Variants in PDE1C observed in about 807,000 individuals in gnomAD.
PDE1C encodes the protein phosphodiesterase 1C.
PDE1C carries 62 observed loss-of-function variants against 93.1 expected under a neutral mutation model. That is an observed-to-expected ratio of 0.67 (90% CI 0.54 to 0.82). The LOEUF (loss-of-function observed/expected upper bound fraction) is 0.82, where lower values mean the gene tolerates loss of function less well. Ranked by LOEUF, PDE1C falls within the 40% of genes least tolerant of loss-of-function variation. PDE1C has a pLI of 0.00. For missense variants in PDE1C, 742 were observed against 884.6 expected (o/e 0.84, Z 2.04); for synonymous variants, 325 against 310.1 (o/e 1.05, Z -0.50).
chr7:31,791,204 A>T (rs533353746), intron 16 of PDE1C, among the ~76,000 whole-genome samples: 1 of 152,256 alleles, frequency 6.6e-6, no homozygotes, highest in Non-Finnish European at 1.5e-5. Context: ...ATCTATTGTA[A>T]TTACAGTCAA....
At chr7:32,186,293 G>A (rs910595797) in intron 2 of PDE1C, among the ~76,000 whole-genome samples, 1 of 151,508 alleles carries the variant, frequency 6.6e-6, no homozygotes, top group Admixed American at 6.6e-5. Flanking sequence ...TAGTAGAGAC[G>A]GGGTTTCACC....
chr7:31,935,300 G>A (rs1483701291), intron 2 of PDE1C, among the ~76,000 whole-genome samples: 1 of 152,136 alleles, frequency 6.6e-6, no homozygotes, highest in African/African-American at 2.4e-5. Context: ...TGACAGCCCT[G>A]AGCCTGGGGC....
the PDE1C span, among the ~76,000 whole-genome samples, chr7:31,683,976 T>C: frequency 1.1e-4 from 16 of 152,216 alleles, no homozygotes; most frequent in Non-Finnish European, 2.1e-4. Context: ...AATCATGCCA[T>C]GGACACAACG....
intron 1 of PDE1C, among the ~76,000 whole-genome samples, chr7:32,388,942 T>C (rs925279395): frequency 1.3e-5 from 2 of 152,112 alleles, no homozygotes; most frequent in African/African-American, 4.8e-5. Flanking sequence ...AAAAATTTCA[T>C]TGAAAGTGAT....
intron 2 of PDE1C, among the ~76,000 whole-genome samples, chr7:31,965,332 G>A (rs1327453308): frequency 2.0e-5 from 3 of 152,338 alleles, no homozygotes; most frequent in Admixed American, 6.5e-5. Context: ...AGTAGCCGAT[G>A]CGATCAACTG....
chr7:32,075,339 ATT>A (rs1796290178), upstream of PDE1C, among the ~76,000 whole-genome samples: 1 of 152,240 alleles, frequency 6.6e-6, no homozygotes, highest in East Asian at 1.9e-4. Flanking sequence ...TGAGGGGGAA[ATT>A]CTGGAGACAC....
At chr7:32,420,222 CATATATATGTATATATATGTGT>C (rs1785385798) in intron 1 of PDE1C, among the ~76,000 whole-genome samples, 1 of 16,360 alleles carries the variant, frequency 6.1e-5, no homozygotes, top group South Asian at 1.3e-3. Flanking sequence ...TGTATATATA[CATATATATGTATATATATGTGT>C]ATATATATAC....
chr7:31,995,590 TAG>T, intron 2 of PDE1C, among the ~76,000 whole-genome samples: 1 of 152,208 alleles, frequency 6.6e-6, no homozygotes, highest in Non-Finnish European at 1.5e-5. Flanking sequence ...TTGTTTGTTT[TAG>T]TCTCATTGCC....
intron 16 of PDE1C, among the ~76,000 whole-genome samples, chr7:31,779,623 C>T (rs988444843): frequency 2.0e-5 from 3 of 152,174 alleles, no homozygotes; most frequent in Admixed American, 6.5e-5. Flanking sequence ...GCCATCCCAC[C>T]TCTCATAACC....
chr7:32,209,212 C>T (rs1805832229), intron 2 of PDE1C, among the ~76,000 whole-genome samples: 1 of 152,076 alleles, frequency 6.6e-6, no homozygotes. Flanking sequence ...CTAAAAAGCC[C>T]CCAGGTGATG....
chr7:32,410,545 G>A (rs904535256), intron 1 of PDE1C, among the ~76,000 whole-genome samples: 2 of 152,124 alleles, frequency 1.3e-5, no homozygotes, highest in African/African-American at 4.8e-5. Context: ...GGTCTGTGCT[G>A]CTTTTTCTCC....
chr7:32,135,359 C>T (rs376205391), intron 3 of PDE1C, among the ~76,000 whole-genome samples: 19 of 152,008 alleles, frequency 1.2e-4, no homozygotes, highest in East Asian at 5.8e-4. Flanking sequence ...AAAATAGTTG[C>T]GAACCATATA....
chr7:32,344,478 G>A (rs971732891), intron 1 of PDE1C, among the ~76,000 whole-genome samples: 28 of 152,236 alleles, frequency 1.8e-4, no homozygotes, highest in African/African-American at 6.3e-4. Flanking sequence ...GCTTTTCCTT[G>A]TTCATTCTAC....
At chr7:32,132,905 T>TCC (rs1268939297) in intron 3 of PDE1C, among the ~76,000 whole-genome samples, 1 of 152,050 alleles carries the variant, frequency 6.6e-6, no homozygotes, top group African/African-American at 2.4e-5. Context: ...ATAAAACAAA[T>TCC]CAAGAATAAC....
the PDE1C span, among the ~76,000 whole-genome samples, chr7:31,655,215 C>T: frequency 6.6e-6 from 1 of 152,124 alleles, no homozygotes; most frequent in Admixed American, 6.6e-5. Flanking sequence ...TCTTCCTGAT[C>T]CTCTCTGTCA....
At chr7:32,132,403 C>T (rs1799968846) in intron 3 of PDE1C, among the ~76,000 whole-genome samples, 1 of 152,094 alleles carries the variant, frequency 6.6e-6, no homozygotes. Flanking sequence ...GTGGCTCACG[C>T]CTGTAATCCC....
the PDE1C span, among the ~76,000 whole-genome samples, chr7:31,623,871 C>A: frequency 6.6e-6 from 1 of 151,968 alleles, no homozygotes; most frequent in Non-Finnish European, 1.5e-5. Flanking sequence ...TGTAGAAAAC[C>A]CCATTGTCTC....
intron 1 of PDE1C, among the ~76,000 whole-genome samples, chr7:32,293,567 C>G (rs1291074937): frequency 1.3e-5 from 2 of 152,180 alleles, no homozygotes; most frequent in Non-Finnish European, 2.9e-5. Flanking sequence ...CTGCCATAAC[C>G]TAAGGATCTT....
rs528977475 is a variant in PDE1C at position 32,150,835 on chromosome 7, C to T, written c.308+18950G>A. 6.7e-3 allele frequency among the ~76,000 whole-genome samples: 1,021 copies of T among 152,256 alleles called. 10 individuals are homozygous for T. Among genetic ancestry groups the T allele is most frequent in the Non-Finnish European group, 7.4e-3 (500 of 68,026 alleles). ...TTGTAGTCCACCAGCAGGGGCCTAG[C>T]TCCATGCTGAGCTTTAAGTACAGTA... On this transcript the variant is annotated intron_variant, in intron 3 of 18. Coordinates refer to the PDE1C transcript ENST00000396193.
Sources: allele counts gnomAD v4.1 joint callset (sites outside exome capture counted in the v4.1 genomes callset), GRCh38; gene constraint gnomAD v4.1.1; transcripts MANE v1.5; gene names NCBI Gene and HGNC (gene_info 2026-07-23, HGNC 2026-07-21).